DENND5A: variants seen among roughly 807,000 people sequenced by gnomAD.
DENND5A encodes the protein DENN domain-containing protein 5A.
Under a neutral mutation model 140.3 loss-of-function variants are expected in DENND5A, and 64 were observed. That is an observed-to-expected ratio of 0.46 (90% CI 0.37 to 0.56). The LOEUF (loss-of-function observed/expected upper bound fraction) is 0.56. Among genes scored for constraint, DENND5A ranks in the 20% least tolerant of loss-of-function variants. The pLI is 0.00. For missense variants in DENND5A, 1,292 were observed against 1,593.8 expected, an observed-to-expected ratio of 0.81 and a Z score of 3.22; for synonymous variants, 605 against 607.7, an observed-to-expected ratio of 1.00 and a Z score of 0.07.
intron 4 of DENND5A, among the ~76,000 whole-genome samples, chr11:9,203,304 G>C (rs1363542989): frequency 6.6e-6 from 1 of 152,106 alleles, no homozygotes; most frequent in Non-Finnish European, 1.5e-5. Flanking sequence ...ATTTTACTAG[G>C]CTGAGGAAGA....
chr11:9,234,598 G>A (rs2136259301), intron 1 of DENND5A, among the ~76,000 whole-genome samples: 1 of 152,310 alleles, frequency 6.6e-6, no homozygotes, highest in Non-Finnish European at 1.5e-5. Flanking sequence ...GTTCGCGATG[G>A]CCCTGACGCC....
chr11:9,213,816 A>AAAAAAAAAAAAAAG (rs1326114808), intron 1 of DENND5A, among the ~76,000 whole-genome samples: 11 of 150,214 alleles, frequency 7.3e-5, no homozygotes, highest in East Asian at 5.8e-4. Context: ...CCCAAAAAAA[A>AAAAAAAAAAAAAAG]AAGAAGAAGA....
chr11:9,203,404 T>A, intron 4 of DENND5A: 1 of 378,580 alleles, frequency 2.6e-6, no homozygotes, highest in East Asian at 5.2e-5. Flanking sequence ...CTCTTTTCAC[T>A]TCAATCAGAA....
chr11:9,199,751 C>CA (rs1849463687), intron 4 of DENND5A, among the ~76,000 whole-genome samples: 1 of 152,162 alleles, frequency 6.6e-6, no homozygotes, highest in Non-Finnish European at 1.5e-5. Context: ...ATGCAGCAGG[C>CA]AAAATCAACT....
In DENND5A at chr11:9,152,431, G is replaced by C; in HGVS notation, c.2448C>G (p.Ala816=). The C allele has an allele frequency of 6.2e-7, 1 of 1,613,396 alleles. No individual in the cohort carries two copies. The highest frequency in any genetic ancestry group is 1.3e-5 in the African/African-American group (1 of 75,024). Residue 816 remains alanine, a synonymous_variant, in exon 13 of 23, where the codon GCC becomes GCG. Transcript: ENST00000328194. ...HGLQVKQGKS[A]LWSHLLHYQD... is the part of the protein sequence containing the mutation. ...GATAATGTAACAGGTGGGACCATAA[G>C]GCTGATTTCCCCTGGAACCAATGCA... is the stretch of plus-strand genomic sequence containing the variant.
chr11:9,141,075 G>A (rs891674819), intron 22 of DENND5A, among the ~76,000 whole-genome samples: 1 of 151,350 alleles, frequency 6.6e-6, no homozygotes, highest in Non-Finnish European at 1.5e-5. Flanking sequence ...GTGGTGAGCC[G>A]AGATCACACC....
At chr11:9,217,094 T>C (rs547831406) in intron 1 of DENND5A, among the ~76,000 whole-genome samples, 2 of 152,296 alleles carry the variant, frequency 1.3e-5, no homozygotes, top group South Asian at 2.1e-4. Context: ...GAATGAAATG[T>C]ATAATAATAC....
At chr11:9,223,033 G>A (rs1850375935) in intron 1 of DENND5A, among the ~76,000 whole-genome samples, 1 of 152,208 alleles carries the variant, frequency 6.6e-6, no homozygotes, top group South Asian at 2.1e-4. Flanking sequence ...GCATGGTAAA[G>A]TAGAAAGAGT....
chr11:9,215,858 A>G (rs990893458), intron 1 of DENND5A, among the ~76,000 whole-genome samples: 4 of 152,078 alleles, frequency 2.6e-5, no homozygotes, highest in African/African-American at 9.7e-5. Context: ...CCGTTCTTTT[A>G]TATAATTAAT....
chr11:9,151,959 C>T (rs944696318), intron 13 of DENND5A, among the ~76,000 whole-genome samples: 2 of 152,084 alleles, frequency 1.3e-5, no homozygotes, highest in Admixed American at 6.5e-5. Flanking sequence ...TGAGGAGGTC[C>T]AAGGAAGGAC....
chr11:9,192,413 G>A (rs1849160990), intron 5 of DENND5A, among the ~76,000 whole-genome samples: 1 of 152,150 alleles, frequency 6.6e-6, no homozygotes, highest in Admixed American at 6.5e-5. Context: ...TGGATCATGA[G>A]GTCAGGCGTT....
rs572925505 is a variant in DENND5A, at chr11:9,141,484, C to G, written c.3680+456G>C. ...TGGTAGAGCCTACTATATGTCTAGC[C>G]TGTTGCTCCTAAGCTACAAATCGGT... On this transcript the variant is annotated intron_variant, in intron 22 of 22. Coordinates refer to ENST00000328194, the MANE Select transcript of DENND5A (RefSeq NM_015213.4). Among the ~76,000 whole-genome samples, 209 of 152,348 alleles carry G rather than the reference C, an allele frequency of 1.4e-3. 1 individual carries two copies. The highest frequency in any genetic ancestry group is 1.1e-3 in the Non-Finnish European group (74 of 68,038).
intron 1 of DENND5A, chr11:9,245,477 G>C (rs1211914498): frequency 6.6e-6 from 1 of 151,596 alleles, no homozygotes; most frequent in South Asian, 2.1e-4. Flanking sequence ...AGTAATCCCA[G>C]CTACTCGAGA....
At chr11:9,153,080 G>C (rs1847681165) in intron 12 of DENND5A, among the ~76,000 whole-genome samples, 2 of 150,014 alleles carry the variant, frequency 1.3e-5, no homozygotes, top group South Asian at 4.2e-4. Flanking sequence ...CCCCAACACT[G>C]GGAGGCCAAG....
At position 9,207,446 on chromosome 11, in the gene DENND5A, G is replaced by C. The variant is rs558359680; in HGVS notation, c.181+115C>G. On this transcript the variant is annotated intron_variant, in intron 2 of 22. Coordinates refer to ENST00000328194, the MANE Select transcript of DENND5A (RefSeq NM_015213.4). ...GGGATACAAATCTGAAAAATCTAGTGGTCAAAAAAGGCACAAGAAAGTTAG... is the reference window on the plus strand; with the variant it reads ...GGGATACAAATCTGAAAAATCTAGTCGTCAAAAAAGGCACAAGAAAGTTAG... The C allele has an allele frequency of 1.4e-5, 10 of 717,934 alleles. No homozygotes were observed. In the South Asian group the frequency reaches 1.5e-4, roughly 11 times the overall value. The allele number at this position is 717,934 out of a possible 1,614,324, so 44.5% of individuals were successfully genotyped here. A position where few individuals can be genotyped will look rare whatever the true frequency, so the allele number is the denominator to read the frequency against.
chr11:9,186,072 G>A (rs1481996053), intron 5 of DENND5A, among the ~76,000 whole-genome samples: 2 of 152,168 alleles, frequency 1.3e-5, no homozygotes, highest in East Asian at 3.8e-4. Flanking sequence ...ACAAGTCCAT[G>A]TGTGTATCAT....
intron 1 of DENND5A, among the ~76,000 whole-genome samples, chr11:9,216,947 G>A (rs916007893): frequency 3.3e-5 from 5 of 152,006 alleles, no homozygotes; most frequent in African/African-American, 1.2e-4. Flanking sequence ...GTGGTGGGAG[G>A]ATCACTTAAG....
Position 9,260,200 on chromosome 11 carries a change from GA to G in DENND5A, c.109+4760del, listed in dbSNP as rs1852136427. On this transcript the variant is annotated intron_variant, in intron 1 of 22. Coordinates refer to ENST00000328194, the MANE Select transcript of DENND5A (RefSeq NM_015213.4). ...GCCTGGGAAAATTGGAGTACAAGAT[GA>G]AAGAACCTAGGATACTTATATCTCA... Among the ~76,000 whole-genome samples, 3 of 152,040 alleles carry G rather than the reference GA, an allele frequency of 2.0e-5. No individual in the cohort carries two copies. In the South Asian group the frequency reaches 6.2e-4, roughly 32 times the overall value.
At chr11:9,242,496 A>T (rs552016927) in intron 1 of DENND5A, 1 of 152,176 alleles carries the variant, frequency 6.6e-6, no homozygotes, top group Non-Finnish European at 1.5e-5. Flanking sequence ...CCCCATCACT[A>T]AGTTGGTCTT....
Sources: gnomAD v4.1 joint callset for allele counts (sites outside exome capture counted in the v4.1 genomes callset) on GRCh38, gnomAD v4.1.1 for gene constraint, MANE v1.5 for transcripts, NCBI Gene and HGNC (gene_info 2026-07-23, HGNC 2026-07-21) for gene names.